SPATA31E1: variants seen among roughly 807,000 people sequenced by gnomAD.
SPATA31E1 encodes the protein SPATA31 subfamily E member 1.
SPATA31E1 carries 7 observed loss-of-function variants against 12.9 expected under a neutral mutation model. That is an observed-to-expected ratio of 0.54 (90% confidence interval 0.31 to 1.02). The LOEUF (loss-of-function observed/expected upper bound fraction) is 1.02, where lower values mean the gene tolerates loss of function less well. SPATA31E1 is among the 50% of genes least tolerant of loss of function. The pLI is 0.05. For missense variants in SPATA31E1, 1,961 were observed against 1,799.8 expected, an observed-to-expected ratio of 1.09 and a Z score of -1.62; for synonymous variants, 771 against 719.0, an observed-to-expected ratio of 1.07 and a Z score of -1.16.
chr9:87,885,272 G>A lies in SPATA31E1; in HGVS notation c.785G>A (p.Ser262Asn). 6.2e-7 allele frequency: 1 copy of A among 1,614,068 alleles called. No homozygotes were observed. The highest frequency in any genetic ancestry group is 2.2e-5 in the East Asian group (1 of 44,850). The change falls in exon 4 of 4, where the codon AGC (serine) becomes AAC (asparagine). Residue 262 changes from serine to asparagine, a missense_variant. Physicochemically the swap from Ser to Asn is conservative, Grantham distance 46 (BLOSUM62 1). Coordinates refer to ENST00000325643, the MANE Select transcript of SPATA31E1 (RefSeq NM_178828.5). ...LASSPPPPDS[S>N]LAGLQCGSTT... ...TCCTCTCCACCTCCACCCGACTCCA[G>A]CCTGGCTGGACTTCAGTGTGGCTCC...
chr9:87,883,185 G>C lies in SPATA31E1; in HGVS notation c.294G>C (p.Lys98Asn). The change falls in exon 1 of 4, where the codon AAG becomes AAC. Residue 98 changes from lysine to asparagine, a missense_variant. Physicochemically the swap from Lys to Asn is moderately conservative, Grantham distance 94. Coordinates refer to ENST00000325643, the MANE Select transcript of SPATA31E1 (RefSeq NM_178828.5). The stretch of plus-strand genomic sequence containing the variant: ...CACCCTCACCCCCGCCCGGGAGGAA[G>C]AGGAGCAGCAGGGAGGTAAGGAGTC... ...SDPPSPPPGR[K>N]RSSREPQRER... is the part of the protein sequence containing the mutation. 1 of 1,580,150 alleles carries C rather than the reference G, an allele frequency of 6.3e-7. No individual in the cohort carries two copies. Among genetic ancestry groups the C allele is most frequent in the Non-Finnish European group, 8.6e-7 (1 of 1,159,154 alleles).
Position 87,885,998 on chromosome 9 carries a change from A to T in SPATA31E1, c.1511A>T (p.Gln504Leu), listed in dbSNP as rs535873006. The T allele has an allele frequency of 3.1e-6, 5 of 1,613,092 alleles. No homozygotes were observed. In the African/African-American group the frequency reaches 6.7e-5, roughly 22 times the overall value. The change falls in exon 4 of 4, where the codon CAA becomes CTA. Residue 504 changes from glutamine (Q) to leucine (L), a missense_variant. By Grantham distance (113) the Gln-to-Leu change is moderately radical. Coordinates refer to ENST00000325643, the MANE Select transcript of SPATA31E1 (RefSeq NM_178828.5). ...PPQPHHMAQP[Q>L]HFTPAWPQSQ... Reference sequence around the variant, plus strand: ...CAGCCCCACCACATGGCCCAGCCCCAACATTTCACTCCAGCCTGGCCCCAG... The same window carrying T: ...CAGCCCCACCACATGGCCCAGCCCCTACATTTCACTCCAGCCTGGCCCCAG...
intron 1 of SPATA31E1, among the ~76,000 whole-genome samples, 163 bp downstream of exon 1, chr9:87,883,363 C>T (rs1487784358): frequency 3.3e-5 from 5 of 152,166 alleles, no homozygotes; most frequent in Non-Finnish European, 7.3e-5. Context: ...GCAGAGGATT[C>T]CATCCCGAGC....
chr9:87,885,321 C>G lies in SPATA31E1; in HGVS notation c.834C>G (p.Ser278Arg). The G allele has an allele frequency of 1.2e-6, 2 of 1,613,898 alleles. No individual in the cohort carries two copies. The highest frequency in any genetic ancestry group is 8.5e-7 in the Non-Finnish European group (1 of 1,179,880). ...CCACAACATGCCCCGTCCCCCAGAG[C>G]TCCCCTCTACACAACCAGGTGCTGC... The part of the protein sequence containing the change: ...CGSTTCPVPQ[S>R]SPLHNQVLPP... Residue 278 changes from serine to arginine, a missense_variant, in exon 4 of 4, where the codon AGC (serine) becomes AGG (arginine). Transcript: ENST00000325643.
intron 1 of SPATA31E1, 128 bp from the exon 2 acceptor site, chr9:87,883,864 G>A (rs1828212914): frequency 3.0e-6 from 3 of 990,332 alleles, no homozygotes. Context: ...TGAGTAAAAA[G>A]CACACACAGA....
chr9:87,886,226 T>C lies in SPATA31E1; in HGVS notation c.1739T>C (p.Val580Ala), dbSNP rs769390700. ...PLKKRPKWKR[V>A]LPSLLKKSQA... ...AAGAAGCGACCAAAGTGGAAGAGGG[T>C]TTTGCCCTCTCTCCTCAAAAAGTCT... is the stretch of plus-strand genomic sequence containing the variant. Residue 580 changes from valine to alanine, a missense_variant, in exon 4 of 4, where the codon GTT becomes GCT. Physicochemically the swap from Val to Ala is moderately conservative, Grantham distance 64 (BLOSUM62 0). Coordinates refer to ENST00000325643, the MANE Select transcript of SPATA31E1 (RefSeq NM_178828.5). 6 of 1,613,278 alleles carry C rather than the reference T, an allele frequency of 3.7e-6. No individual in the cohort carries two copies. Among genetic ancestry groups the C allele is most frequent in the Non-Finnish European group, 3.4e-6 (4 of 1,179,862 alleles).
rs764632656 is a variant in SPATA31E1, at chr9:87,886,923, G to T, written c.2436G>T (p.Arg812Ser). The T allele has an allele frequency of 1.2e-6, 2 of 1,614,000 alleles. No homozygotes were observed. Among genetic ancestry groups the T allele is most frequent in the African/African-American group, 2.7e-5 (2 of 74,932 alleles). ...AACCTGGGAAGCTGGCATCCTGGAG[G>T]GGTGGGAAAGCCCACGTGAACACCT... is the stretch of plus-strand genomic sequence containing the variant. ...HRKPGKLASWRGGKAHVNTSQ... is the reference protein window; with the variant it reads ...HRKPGKLASWSGGKAHVNTSQ... Residue 812 changes from arginine to serine, a missense_variant, in exon 4 of 4, where the codon AGG becomes AGT. Physicochemically the swap from Arg to Ser is moderately radical, Grantham distance 110. Transcript: ENST00000325643.
At chr9:87,884,552 A>C (rs1209090292) in intron 2 of SPATA31E1, 39 bp from the exon 3 acceptor site, 2 of 1,612,472 alleles carry the variant, frequency 1.2e-6, no homozygotes, top group Admixed American at 3.3e-5. Context: ...GTTCCCAGGC[A>C]CCGCCCTCTC....
rs555247073 is a variant in SPATA31E1 at position 87,886,857 on chromosome 9, C to A, written c.2370C>A (p.Leu790=). 4 of 1,614,156 alleles carry A rather than the reference C, an allele frequency of 2.5e-6. No individual in the cohort carries two copies. The South Asian group carries it at 4.4e-5, about 18-fold the overall frequency. The part of the protein sequence containing the change: ...WIPMPVRRSW[L]MAKCAVPKSD... The stretch of plus-strand genomic sequence containing the variant: ...CCATGCCTGTGCGTCGCTCCTGGCT[C>A]ATGGCCAAATGTGCTGTTCCCAAGT... The change falls in exon 4 of 4, where the codon CTC becomes CTA. Residue 790 remains leucine (L), a synonymous_variant. Coordinates refer to ENST00000325643, the MANE Select transcript of SPATA31E1 (RefSeq NM_178828.5).
At position 87,885,643 on chromosome 9, in the gene SPATA31E1, G is replaced by A. The variant is rs758248370; in HGVS notation, c.1156G>A (p.Ala386Thr). Reference protein sequence around the residue: ...KMWQEKERKRADHPHMTSLGK... With the variant: ...KMWQEKERKRTDHPHMTSLGK... ...GTGGCAGGAGAAAGAAAGAAAACGG[G>A]CCGACCACCCGCACATGACATCACT... The change falls in exon 4 of 4, where the codon GCC becomes ACC. Residue 386 changes from alanine (A) to threonine (T), a missense_variant. Transcript: ENST00000325643. 3.2e-5 allele frequency: 52 copies of A among 1,613,772 alleles called. No homozygotes were observed. The highest frequency in any genetic ancestry group is 4.3e-5 in the Non-Finnish European group (51 of 1,180,008).
chr9:87,885,716 C>T lies in SPATA31E1; in HGVS notation c.1229C>T (p.Ser410Leu). The T allele has an allele frequency of 6.2e-7, 1 of 1,613,754 alleles. No homozygotes were observed. Among genetic ancestry groups the T allele is most frequent in the East Asian group, 2.2e-5 (1 of 44,870 alleles). ...ITTLNPFWNV[S>L]TQPQQLPRPQ... ...ACCCTAAATCCCTTCTGGAACGTGT[C>T]AACCCAGCCACAGCAGCTGCCCCGT... The change falls in exon 4 of 4, where the codon TCA becomes TTA. Residue 410 changes from serine to leucine, a missense_variant. Ser to Leu is a moderately radical substitution (Grantham distance 145). Transcript: ENST00000325643.
Position 87,887,604 on chromosome 9 carries a change from G to A in SPATA31E1, c.3117G>A (p.Gly1039=), listed in dbSNP as rs1422291898. The part of the protein sequence containing the change: ...AEDALQALKV[G]EKPPTWEVTL... ...ATGCCCTGCAGGCACTGAAAGTGGGGGAGAAGCCCCCAACTTGGGAAGTCA... is the reference window on the plus strand; with the variant it reads ...ATGCCCTGCAGGCACTGAAAGTGGGAGAGAAGCCCCCAACTTGGGAAGTCA... Residue 1039 remains glycine, a synonymous_variant, in exon 4 of 4, where the codon GGG becomes GGA. Coordinates refer to ENST00000325643, the MANE Select transcript of SPATA31E1 (RefSeq NM_178828.5). The A allele has an allele frequency of 6.2e-7, 1 of 1,614,158 alleles. No individual in the cohort carries two copies. Among genetic ancestry groups the A allele is most frequent in the South Asian group, 1.1e-5 (1 of 91,088 alleles).
At position 87,883,116 on chromosome 9, in the gene SPATA31E1, C is replaced by A. The variant is rs1329106068; in HGVS notation, c.225C>A (p.Gly75=). ...MMDFILTSVC[G]LVLLFLLLLY... is the part of the protein sequence containing the mutation. ...ATTTCATCCTCACCAGTGTGTGTGGCCTAGTGCTCCTCTTCCTATTGCTCC... is the reference window on the plus strand; with the variant it reads ...ATTTCATCCTCACCAGTGTGTGTGGACTAGTGCTCCTCTTCCTATTGCTCC... Residue 75 remains glycine (G), a synonymous_variant, in exon 1 of 4, where the codon GGC becomes GGA. Transcript: ENST00000325643. 1.9e-6 allele frequency: 3 copies of A among 1,604,172 alleles called. No individual in the cohort carries two copies. The highest frequency in any genetic ancestry group is 1.3e-5 in the African/African-American group (1 of 74,910).
rs1409248318 is a variant in SPATA31E1 at position 87,883,162 on chromosome 9, C to T, written c.271C>T (p.Pro91Ser). ...LLLLYVHSDP[P>S]SPPPGRKRSS... ...GCTCCTCTACGTCCACAGTGACCCACCCTCACCCCCGCCCGGGAGGAAGAG... is the reference window on the plus strand; with the variant it reads ...GCTCCTCTACGTCCACAGTGACCCATCCTCACCCCCGCCCGGGAGGAAGAG... The change falls in exon 1 of 4, where the codon CCC (proline) becomes TCC (serine). Residue 91 changes from proline to serine, a missense_variant. Coordinates refer to ENST00000325643, the MANE Select transcript of SPATA31E1 (RefSeq NM_178828.5). The T allele has an allele frequency of 6.3e-7, 1 of 1,587,950 alleles. No homozygotes were observed. Among genetic ancestry groups the T allele is most frequent in the Non-Finnish European group, 8.6e-7 (1 of 1,164,182 alleles).
chr9:87,885,110 C>G lies in SPATA31E1; in HGVS notation c.623C>G (p.Thr208Ser), dbSNP rs28510722. 1.9e-3 allele frequency: 3,101 copies of G among 1,614,184 alleles called. 57 individuals carry two copies. The African/African-American group carries it at 0.036, about 19-fold the overall frequency. ...LASTLSPGPM[T>S]FSEPFGPHST... is the part of the protein sequence containing the mutation. ...TCCACCCTGTCACCAGGCCCGATGACCTTCTCAGAGCCTTTTGGACCACAC... is the reference window on the plus strand; with the variant it reads ...TCCACCCTGTCACCAGGCCCGATGAGCTTCTCAGAGCCTTTTGGACCACAC... Residue 208 changes from threonine (T) to serine (S), a missense_variant, in exon 4 of 4, where the codon ACC becomes AGC. Coordinates refer to ENST00000325643, the MANE Select transcript of SPATA31E1 (RefSeq NM_178828.5).
Position 87,887,944 on chromosome 9 carries a change from T to A in SPATA31E1, c.3457T>A (p.Ser1153Thr). Residue 1153 changes from serine to threonine, a missense_variant, in exon 4 of 4, where the codon TCC (serine) becomes ACC (threonine). Coordinates refer to ENST00000325643, the MANE Select transcript of SPATA31E1 (RefSeq NM_178828.5). ...RLPTQAPLST[S>T]QSVSGKNMTA... Reference sequence around the variant, plus strand: ...GCCCACTCAAGCCCCTCTGTCCACCTCCCAGAGTGTGTCTGGTAAGAACAT... The same window carrying A: ...GCCCACTCAAGCCCCTCTGTCCACCACCCAGAGTGTGTCTGGTAAGAACAT... 1 of 1,613,882 alleles carries A rather than the reference T, an allele frequency of 6.2e-7. No homozygotes were observed.
rs555310410 is a variant in SPATA31E1, at chr9:87,887,198, G to C, written c.2711G>C (p.Gly904Ala). 2.5e-6 allele frequency: 4 copies of C among 1,614,088 alleles called. No individual in the cohort carries two copies. The highest frequency in any genetic ancestry group is 2.7e-5 in the African/African-American group (2 of 75,034). ...GGAAAACGTCCTCAGAATGGTCCAG[G>C]AGACAACAGAACAACAAGCAAGTCA... ...FLGKRPQNGP[G>A]DNRTTSKSVP... is the part of the protein sequence containing the mutation. Residue 904 changes from glycine to alanine, a missense_variant, in exon 4 of 4, where the codon GGA becomes GCA. Coordinates refer to ENST00000325643, the MANE Select transcript of SPATA31E1 (RefSeq NM_178828.5).
chr9:87,884,495 G>A (rs1436356068), intron 2 of SPATA31E1, 96 bp from the exon 3 acceptor site: 4 of 1,301,190 alleles, frequency 3.1e-6, no homozygotes, highest in Non-Finnish European at 4.4e-6. Context: ...TCAGGGTCTA[G>A]TCCCCCATGG....
Position 87,888,054 on chromosome 9 carries a change from G to A in SPATA31E1, c.3567G>A (p.Lys1189=), listed in dbSNP as rs1220392947. 6 of 1,607,054 alleles carry A rather than the reference G, an allele frequency of 3.7e-6. No individual in the cohort carries two copies. The highest frequency in any genetic ancestry group is 5.1e-6 in the Non-Finnish European group (6 of 1,176,818). The change falls in exon 4 of 4, where the codon AAG becomes AAA. Residue 1189 remains lysine, a synonymous_variant. Transcript: ENST00000325643. The stretch of plus-strand genomic sequence containing the variant: ...AGGAGCCTGGGAGCCCAAAAGCAAA[G>A]GCCCCACAGAAGAGTCAGAAGACGC... ...GQQEPGSPKA[K]APQKSQKTLG...
Sources: gnomAD v4.1 joint callset for allele counts (sites outside exome capture counted in the v4.1 genomes callset) on GRCh38, gnomAD v4.1.1 for gene constraint, MANE v1.5 for transcripts, NCBI Gene and HGNC (gene_info 2026-07-23, HGNC 2026-07-21) for gene names.